The following AFF2 variants were observed in gnomAD, a reference collection of about 807,000 sequenced individuals.
The protein encoded by AFF2 is AF4/FMR2 family member 2.
In AFF2, 14 loss-of-function variants were observed where a neutral mutation model predicts 76.9. The observed-to-expected ratio is 0.18, with a 90% CI of 0.12 to 0.28. The LOEUF (loss-of-function observed/expected upper bound fraction) is 0.28, where lower values mean the gene tolerates loss of function less well. Among genes scored for constraint, AFF2 ranks in the 10% least tolerant of loss-of-function variants. The pLI is 1.00. For synonymous variants in AFF2, 398 were observed against 366.7 expected, an observed-to-expected ratio of 1.09 and a Z score of -0.98; for missense variants, 868 against 1,001.1, an observed-to-expected ratio of 0.87 and a Z score of 1.79.
chrX:148,900,392 A>G (rs971704549), intron 8 of AFF2, among the ~76,000 whole-genome samples: 3 of 112,133 alleles, frequency 2.7e-5, no homozygotes, highest in Non-Finnish European at 5.6e-5. Flanking sequence ...TTTCAGGAAC[A>G]TAGGTTTAGC....
rs1251079149 is a variant in AFF2 at position 148,836,747 on chromosome X, G to A, written c.1087-900G>A. Among the ~76,000 whole-genome samples the A allele has an allele frequency of 5.4e-5, 6 of 111,464 alleles. No individual in the cohort carries two copies. In the East Asian group the frequency reaches 1.4e-3, roughly 26 times the overall value. ...TTAGCGTAAAGCATGTTGGCCACAT[G>A]CCCTAAGACTCAAGTAAGATTTGAA... is the stretch of plus-strand genomic sequence containing the variant. On this transcript the variant is annotated intron_variant, in intron 4 of 20. Transcript: ENST00000370460.
intron 3 of AFF2, among the ~76,000 whole-genome samples, chrX:148,793,474 G>C (rs1557270125): frequency 8.9e-6 from 1 of 111,758 alleles, no homozygotes; most frequent in Non-Finnish European, 1.9e-5. Flanking sequence ...GTTTTCAGAA[G>C]TAAGGTGGGG....
chrX:148,784,394 C>A (rs1458402885), intron 3 of AFF2, among the ~76,000 whole-genome samples: 1 of 111,834 alleles, frequency 8.9e-6, no homozygotes, highest in Admixed American at 9.5e-5. Context: ...AGGGAGCCAT[C>A]AAAGTGTCAG....
intron 9 of AFF2, among the ~76,000 whole-genome samples, chrX:148,921,574 GTTAGAACCAC>G (rs1171575922): frequency 4.5e-5 from 5 of 112,204 alleles, no homozygotes; most frequent in African/African-American, 1.3e-4. Flanking sequence ...TTTAGCATGG[GTTAGAACCAC>G]TAGCTGATTC....
At chrX:148,869,397 G>A (rs1557277130) in intron 7 of AFF2, among the ~76,000 whole-genome samples, 1 of 112,123 alleles carries the variant, frequency 8.9e-6, no homozygotes, top group Admixed American at 9.5e-5. Flanking sequence ...AAAATAAGTA[G>A]ATAGATTAAA....
chrX:148,582,733 C>A (rs1557245268), intron 1 of AFF2, among the ~76,000 whole-genome samples: 1 of 111,988 alleles, frequency 8.9e-6, no homozygotes, highest in African/African-American at 3.2e-5. Flanking sequence ...AGCAATTTTA[C>A]TCCTAAGTAT....
At chrX:148,942,676 C>T (rs1204330439) in intron 9 of AFF2, among the ~76,000 whole-genome samples, 2 of 110,252 alleles carry the variant, frequency 1.8e-5, no homozygotes, top group African/African-American at 6.6e-5. Flanking sequence ...ATTAGCCGGG[C>T]ATGGTGGCAC....
rs145178947 is a variant in AFF2, at chrX:148,861,725, G to C, written c.1262+18292G>C. 8.5e-3 allele frequency among the ~76,000 whole-genome samples: 947 copies of C among 111,253 alleles called. 9 individuals carry two copies. The highest frequency in any genetic ancestry group is 0.029 in the African/African-American group (875 of 30,640). On this transcript the variant is annotated intron_variant, in intron 7 of 20. Transcript: ENST00000370460. Reference sequence around the variant, plus strand: ...TAGACTCAGCTTCAATATCTACCTGGAGTATGGATGCTCATTATCTTTTAT... The same window carrying C: ...TAGACTCAGCTTCAATATCTACCTGCAGTATGGATGCTCATTATCTTTTAT...
At chrX:148,923,162 TG>T (rs1453252781) in intron 9 of AFF2, among the ~76,000 whole-genome samples, 3 of 111,829 alleles carry the variant, frequency 2.7e-5, no homozygotes, top group Non-Finnish European at 5.6e-5. Context: ...ATAAAGTACG[TG>T]CACATTTCTA....
intron 3 of AFF2, among the ~76,000 whole-genome samples, chrX:148,795,267 A>G (rs1557270293): frequency 9.0e-6 from 1 of 111,254 alleles, no homozygotes; most frequent in Non-Finnish European, 1.9e-5. Flanking sequence ...TTTTGAATTA[A>G]GGGGTAAATA....
chrX:148,783,319 T>C (rs1359394784), intron 3 of AFF2, among the ~76,000 whole-genome samples: 1 of 111,889 alleles, frequency 8.9e-6, no homozygotes, highest in African/African-American at 3.3e-5. Flanking sequence ...TGAGGTTTTA[T>C]GAAGACATAA....
At chrX:148,689,287 G>A (rs886986043) in intron 3 of AFF2, among the ~76,000 whole-genome samples, 1 of 111,439 alleles carries the variant, frequency 9.0e-6, no homozygotes, top group South Asian at 3.8e-4. Flanking sequence ...AAGGCCTTAT[G>A]TCCCAAAACA....
chrX:148,671,593 C>T (rs1280903210), intron 3 of AFF2, among the ~76,000 whole-genome samples: 1 of 110,978 alleles, frequency 9.0e-6, no homozygotes, highest in Non-Finnish European at 1.9e-5. Flanking sequence ...GCCATTATCT[C>T]CCCCACCCAT....
chrX:148,525,452 C>T (rs1557235075), intron 1 of AFF2, among the ~76,000 whole-genome samples: 1 of 111,668 alleles, frequency 9.0e-6, no homozygotes, highest in African/African-American at 3.3e-5. Context: ...AGTGAATGAG[C>T]TGATTCTCAA....
At chrX:148,852,042 C>G (rs2070736635) in intron 7 of AFF2, among the ~76,000 whole-genome samples, 1 of 111,277 alleles carries the variant, frequency 9.0e-6, no homozygotes. Flanking sequence ...CATGTTTCTG[C>G]AGAAGACATG....
chrX:148,611,847 G>C (rs1422004702), intron 1 of AFF2, among the ~76,000 whole-genome samples: 1 of 111,703 alleles, frequency 9.0e-6, no homozygotes. Context: ...GTCTTTATAT[G>C]TCAATGGGTC....
chrX:148,960,006 C>A (rs1557287841), intron 12 of AFF2, among the ~76,000 whole-genome samples: 1 of 112,329 alleles, frequency 8.9e-6, no homozygotes, highest in Non-Finnish European at 1.9e-5. Context: ...GAGAGATGAC[C>A]AAGTATTACA....
chrX:148,786,279 A>T (rs1557269511), intron 3 of AFF2, among the ~76,000 whole-genome samples: 1 of 110,827 alleles, frequency 9.0e-6, no homozygotes, highest in African/African-American at 3.3e-5. Context: ...TCCTCTTCTC[A>T]TTTTCTATAG....
chrX:148,500,631 A>AGCGGCTGCCGCC lies in AFF2; in HGVS notation c.-465_-464insGGCTGCCGCCGC. 1.6e-5 allele frequency: 1 copy of AGCGGCTGCCGCC among 62,504 alleles called. No homozygotes were observed. The highest frequency in any genetic ancestry group is 7.2e-4 in the East Asian group (1 of 1,380). 5.2% of individuals were successfully genotyped at this position (62,504 alleles called of 1,213,427 possible). On this transcript the variant is annotated 5_prime_UTR_variant, in exon 1 of 21. Coordinates refer to ENST00000370460, the MANE Select transcript of AFF2 (RefSeq NM_002025.4). Reference sequence around the variant, plus strand: ...CCGCGGCCGCCGCCGCCGCCTGTGCAGCCGCTGCCGCCGCCGCCGCCGCCG... The same window carrying AGCGGCTGCCGCC: ...CCGCGGCCGCCGCCGCCGCCTGTGCAGCGGCTGCCGCCGCCGCTGCCGCCGCCGCCGCCGCCG...
Sources: gnomAD v4.1 joint callset for allele counts (sites outside exome capture counted in the v4.1 genomes callset) on GRCh38, gnomAD v4.1.1 for gene constraint, MANE v1.5 for transcripts, NCBI Gene and HGNC (gene_info 2026-07-23, HGNC 2026-07-21) for gene names.